MYO18B: variants seen among roughly 807,000 people sequenced by gnomAD.
The protein encoded by MYO18B is unconventional myosin-XVIIIb.
In MYO18B, 204 loss-of-function variants were observed where a neutral mutation model predicts 273.0. The observed-to-expected ratio is 0.75, with a 90% CI of 0.67 to 0.84. MYO18B has a LOEUF of 0.84. Among genes scored for constraint, MYO18B ranks in the 40% least tolerant of loss-of-function variants. The probability of loss-of-function intolerance (pLI) is 0.00; values close to 1 mark genes in which losing one functional copy is unlikely to be tolerated. For missense variants in MYO18B, 3,212 were observed against 3,287.6 expected (o/e 0.98, Z 0.56); for synonymous variants, 1,330 against 1,305.7 (o/e 1.02, Z -0.40).
At chr22:25,781,414 C>G (rs1478732174) in intron 9 of MYO18B, among the ~76,000 whole-genome samples, 3 of 152,006 alleles carry the variant, frequency 2.0e-5, no homozygotes, top group Non-Finnish European at 4.4e-5. Context: ...TTGACACTAT[C>G]CTGGCTAATG....
intron 21 of MYO18B, among the ~76,000 whole-genome samples, chr22:25,854,495 A>C (rs57139988): frequency 0.092 from 14,062 of 152,266 alleles, 749 homozygotes; most frequent in Middle Eastern, 0.14. Context: ...GCTTAAAAAA[A>C]AATTATGGTA....
Position 25,921,319 on chromosome 22 carries a change from A to G in MYO18B, c.5427A>G (p.Ala1809=), listed in dbSNP as rs2146442995. ...RLRRDLRRTH[A]LLSDVQLLLG... ...GGAGAGACCTCAGGAGGACACATGC[A>G]CTGTTGTCAGACGTGCAGCTCCTTC... The change falls in exon 34 of 44, where the codon GCA becomes GCG. Residue 1809 remains alanine (A), a synonymous_variant. Transcript: ENST00000335473. The G allele has an allele frequency of 6.4e-7, 1 of 1,570,136 alleles. No homozygotes were observed.
intron 38 of MYO18B, among the ~76,000 whole-genome samples, chr22:25,953,074 T>C (rs1350244055): frequency 6.6e-6 from 1 of 152,240 alleles, no homozygotes; most frequent in African/African-American, 2.4e-5. Flanking sequence ...GCATTAATGC[T>C]GAACCTTGAA....
chr22:25,863,085 A>C (rs1427739171), intron 21 of MYO18B, among the ~76,000 whole-genome samples: 1 of 152,136 alleles, frequency 6.6e-6, no homozygotes, highest in Non-Finnish European at 1.5e-5. Flanking sequence ...TTGACATCTC[A>C]GATCTGTTGT....
chr22:26,045,340 C>T, the MYO18B span, among the ~76,000 whole-genome samples: 11 of 151,968 alleles, frequency 7.2e-5, no homozygotes, highest in South Asian at 4.2e-4. Flanking sequence ...GAAACAGACA[C>T]GTAGATGGAG....
At chr22:25,983,465 T>A (rs2093170064) in intron 39 of MYO18B, 1 of 152,224 alleles carries the variant, frequency 6.6e-6, no homozygotes, top group Non-Finnish European at 1.5e-5. Context: ...GTGAACAGTT[T>A]GATGAATTTG....
At chr22:25,783,098 A>G (rs1375759556) in intron 10 of MYO18B, among the ~76,000 whole-genome samples, 1 of 152,238 alleles carries the variant, frequency 6.6e-6, no homozygotes, top group Non-Finnish European at 1.5e-5. Flanking sequence ...ACTTCTTAAA[A>G]TAGTGCCCGG....
At chr22:25,815,558 A>G (rs2088963633) in intron 12 of MYO18B, among the ~76,000 whole-genome samples, 1 of 152,206 alleles carries the variant, frequency 6.6e-6, no homozygotes, top group South Asian at 2.1e-4. Flanking sequence ...GATATCTCCT[A>G]CTTGAGATCT....
At chr22:25,766,800 G>A (rs1471964026) in intron 3 of MYO18B, among the ~76,000 whole-genome samples, 2 of 152,224 alleles carry the variant, frequency 1.3e-5, no homozygotes, top group Admixed American at 6.5e-5. Context: ...ACCAATGGTG[G>A]TGCCAAATGA....
intron 11 of MYO18B, among the ~76,000 whole-genome samples, chr22:25,792,149 G>A (rs957267670): frequency 2.0e-5 from 3 of 152,160 alleles, no homozygotes; most frequent in Admixed American, 1.3e-4. Flanking sequence ...AGGATTGGGG[G>A]CTCAGTGACA....
rs971249306 is a variant in MYO18B, at chr22:25,768,219, C to T, written c.303C>T (p.Ser101=). The change falls in exon 4 of 44, where the codon AGC becomes AGT. Residue 101 remains serine, a synonymous_variant. Transcript: ENST00000335473. ...ACGACCAGTCAAGCTCTCCTGGGAG[C>T]TCAGACATTCTGGGCAAGGAGAGCG... ...SQDDQSSSPG[S]SDILGKESEG... is the part of the protein sequence containing the mutation. The T allele has an allele frequency of 6.2e-7, 1 of 1,614,028 alleles. No individual in the cohort carries two copies. Among genetic ancestry groups the T allele is most frequent in the Non-Finnish European group, 8.5e-7 (1 of 1,179,900 alleles).
intron 25 of MYO18B, among the ~76,000 whole-genome samples, chr22:25,884,208 G>A (rs1360036665): frequency 6.6e-6 from 1 of 152,196 alleles, no homozygotes; most frequent in Non-Finnish European, 1.5e-5. Flanking sequence ...GCAAAGTGCT[G>A]AGGGAGTTTG....
At chr22:25,873,298 G>T (rs115918307) in intron 22 of MYO18B, among the ~76,000 whole-genome samples, 2 of 152,134 alleles carry the variant, frequency 1.3e-5, no homozygotes, top group African/African-American at 4.8e-5. Flanking sequence ...TCTGGAAATC[G>T]TGTACCGAGA....
chr22:25,865,664 C>G (rs1411067172), intron 21 of MYO18B, among the ~76,000 whole-genome samples: 2 of 152,174 alleles, frequency 1.3e-5, no homozygotes, highest in Non-Finnish European at 2.9e-5. Flanking sequence ...AAGCACTTCC[C>G]CAAGGCCACA....
In MYO18B at chr22:25,813,373, C is replaced by T. The variant is rs1274618600; in HGVS notation, c.2522-10132C>T. ...TCCCTCTCCCTTCTTTTCTTCTCCT[C>T]TGTGCCTATTGGATGATAAGCCCTC... On this transcript the variant is annotated intron_variant, in intron 12 of 43. Transcript: ENST00000335473. Among the ~76,000 whole-genome samples the T allele has an allele frequency of 1.2e-4, 18 of 152,114 alleles. No individual in the cohort carries two copies. In the South Asian group the frequency reaches 2.9e-3, roughly 25 times the overall value.
chr22:25,762,204 C>T (rs1388661053), intron 2 of MYO18B, among the ~76,000 whole-genome samples: 1 of 152,174 alleles, frequency 6.6e-6, no homozygotes, highest in African/African-American at 2.4e-5. Context: ...GTGGGCCCTG[C>T]AGTGCTGCCC....
Position 25,885,628 on chromosome 22 carries a change from C to T in MYO18B, c.4315-5128C>T, listed in dbSNP as rs550054392. ...GATGAGGCATGAAGCCGGACTGGATCGCAGGGGGTCAGGAGAATCACATTC... is the reference window on the plus strand; with the variant it reads ...GATGAGGCATGAAGCCGGACTGGATTGCAGGGGGTCAGGAGAATCACATTC... On this transcript the variant is annotated intron_variant, in intron 25 of 43. Transcript: ENST00000335473. 1.1e-4 allele frequency among the ~76,000 whole-genome samples: 16 copies of T among 152,146 alleles called. No homozygotes were observed. In the East Asian group the frequency reaches 2.1e-3, roughly 20 times the overall value.
intron 7 of MYO18B, among the ~76,000 whole-genome samples, chr22:25,775,803 C>T (rs1318618979): frequency 6.6e-6 from 1 of 151,882 alleles, no homozygotes; most frequent in Non-Finnish European, 1.5e-5. Context: ...AAACGCCTCC[C>T]GTTCACTGTA....
At chr22:25,923,367 A>G (rs569353644) in intron 34 of MYO18B, among the ~76,000 whole-genome samples, 1 of 152,290 alleles carries the variant, frequency 6.6e-6, no homozygotes, top group East Asian at 1.9e-4. Flanking sequence ...TGGTCATTCT[A>G]TCCTCTTCAT....
Sources: allele counts gnomAD v4.1 joint callset (sites outside exome capture counted in the v4.1 genomes callset), GRCh38; gene constraint gnomAD v4.1.1; transcripts MANE v1.5; gene names NCBI Gene and HGNC (gene_info 2026-07-23, HGNC 2026-07-21).